Variants in PCDH19 observed in about 807,000 individuals in gnomAD.
The protein encoded by PCDH19 is protocadherin-19.
Under a neutral mutation model 46.2 loss-of-function variants are expected in PCDH19, and 6 were observed. That is an observed-to-expected ratio of 0.13 (90% CI 0.07 to 0.26). The LOEUF is 0.26. Among genes scored for constraint, PCDH19 ranks in the 10% least tolerant of loss-of-function variants. PCDH19 has a pLI of 1.00. For missense variants in PCDH19, 740 were observed against 972.3 expected, an observed-to-expected ratio of 0.76 and a Z score of 3.18; for synonymous variants, 481 against 415.7, an observed-to-expected ratio of 1.16 and a Z score of -1.91.
chrX:100,346,785 T>C (rs1014836525), intron 4 of PCDH19, among the ~76,000 whole-genome samples: 4 of 112,213 alleles, frequency 3.6e-5, no homozygotes, highest in Non-Finnish European at 7.5e-5. Flanking sequence ...GTTCATTTCC[T>C]ATTTCATTTT....
intron 3 of PCDH19, among the ~76,000 whole-genome samples, chrX:100,362,474 G>A (rs1459716780): frequency 1.8e-5 from 2 of 110,588 alleles, no homozygotes; most frequent in African/African-American, 6.6e-5. Flanking sequence ...GTTGGTTCCT[G>A]GTAGACCCAG....
At chrX:100,346,817 C>T (rs1926414894) in intron 4 of PCDH19, among the ~76,000 whole-genome samples, 1 of 110,471 alleles carries the variant, frequency 9.1e-6, no homozygotes, top group South Asian at 3.8e-4. Context: ...AGCCTTATGC[C>T]CTGCTTGATA....
At position 100,407,164 on chromosome X, in the gene PCDH19, G is replaced by A. The variant is rs137962077; in HGVS notation, c.1434C>T (p.Arg478=). The change falls in exon 1 of 6, where the codon CGC becomes CGT. Residue 478 remains arginine (R), a synonymous_variant. Coordinates refer to ENST00000373034, the MANE Select transcript of PCDH19 (RefSeq NM_001184880.2). The part of the protein sequence containing the change: ...PGAYLLSVSA[R]DPDLGLNGSV... ...TGCCGTTGAGACCCAGGTCGGGGTC[G>A]CGAGCAGACACAGAGAGCAGATAGG... The A allele has an allele frequency of 2.6e-5, 31 of 1,210,305 alleles. No homozygotes were observed. In the Middle Eastern group the frequency reaches 1.1e-3, roughly 45 times the overall value.
intron 5 of PCDH19, among the ~76,000 whole-genome samples, chrX:100,318,149 C>T (rs191190477): frequency 8.9e-6 from 1 of 111,922 alleles, no homozygotes; most frequent in East Asian, 2.8e-4. Flanking sequence ...GCAGCAGAGT[C>T]TAAGACTATG....
chrX:100,296,103 G>T lies in PCDH19; in HGVS notation c.*174C>A. The T allele has an allele frequency of 2.1e-6, 1 of 478,520 alleles. No individual in the cohort carries two copies. Among genetic ancestry groups the T allele is most frequent in the Non-Finnish European group, 3.6e-6 (1 of 274,223 alleles). 39.4% of individuals were successfully genotyped at this position (478,520 alleles called of 1,213,427 possible). On this transcript the variant is annotated 3_prime_UTR_variant, in exon 6 of 6. Transcript: ENST00000373034. Reference sequence around the variant, plus strand: ...TTTGCTCCAACTGAACACCCCTGCTGCCTGTTGAAACAAGGGACTGTCACA... The same window carrying T: ...TTTGCTCCAACTGAACACCCCTGCTTCCTGTTGAAACAAGGGACTGTCACA...
chrX:100,385,429 A>G (rs1259183494), intron 3 of PCDH19, among the ~76,000 whole-genome samples: 2 of 111,740 alleles, frequency 1.8e-5, no homozygotes, highest in Non-Finnish European at 1.9e-5. Context: ...AGAGATCACA[A>G]CAAAATTTAT....
intron 3 of PCDH19, among the ~76,000 whole-genome samples, chrX:100,362,926 T>A (rs187093407): frequency 5.4e-5 from 6 of 110,629 alleles, no homozygotes; most frequent in African/African-American, 1.6e-4. Context: ...GCCTTCAAGA[T>A]GAAAATAGAA....
chrX:100,353,972 C>T (rs1362977613), intron 3 of PCDH19, among the ~76,000 whole-genome samples: 1 of 111,737 alleles, frequency 8.9e-6, no homozygotes, highest in Admixed American at 9.5e-5. Context: ...CTTTGTAATC[C>T]GTCTCAGGTC....
intron 3 of PCDH19, among the ~76,000 whole-genome samples, chrX:100,397,806 A>G (rs961166669): frequency 2.7e-5 from 3 of 112,227 alleles, no homozygotes; most frequent in Non-Finnish European, 5.6e-5. Flanking sequence ...GCATCCAGAG[A>G]CACCAGTAGG....
At chrX:100,319,073 C>T (rs1217511358) in intron 5 of PCDH19, among the ~76,000 whole-genome samples, 1 of 111,000 alleles carries the variant, frequency 9.0e-6, no homozygotes, top group South Asian at 3.7e-4. Flanking sequence ...GCCTAATATG[C>T]TAAGTATATG....
At chrX:100,389,389 G>T (rs780453291) in intron 3 of PCDH19, among the ~76,000 whole-genome samples, 12 of 62,910 alleles carry the variant, frequency 1.9e-4, no homozygotes, top group Non-Finnish European at 3.2e-4. Flanking sequence ...CAGGGGTTGT[G>T]GGTGGGGGAA....
chrX:100,363,908 A>G (rs868319585), intron 3 of PCDH19, among the ~76,000 whole-genome samples: 4 of 100,312 alleles, frequency 4.0e-5, no homozygotes, highest in East Asian at 6.1e-4. Flanking sequence ...AGAGGGAGAG[A>G]GAAAGAGAGC....
intron 3 of PCDH19, among the ~76,000 whole-genome samples, chrX:100,375,923 G>A (rs1489949616): frequency 8.9e-6 from 1 of 111,920 alleles, no homozygotes; most frequent in African/African-American, 3.3e-5. Context: ...GTCTCTTTAT[G>A]CTACACAATT....
intron 5 of PCDH19, among the ~76,000 whole-genome samples, chrX:100,336,914 G>A: frequency 9.0e-6 from 1 of 111,513 alleles, no homozygotes; most frequent in East Asian, 2.8e-4. Flanking sequence ...TCTCATATCA[G>A]GATTACATAT....
At chrX:100,316,521 A>G (rs569523094) in intron 5 of PCDH19, among the ~76,000 whole-genome samples, 6 of 111,754 alleles carry the variant, frequency 5.4e-5, no homozygotes, top group African/African-American at 1.9e-4. Flanking sequence ...CAGAAATCCC[A>G]TCCTTTAGGG....
At chrX:100,395,048 C>T (rs1311886302) in intron 3 of PCDH19, among the ~76,000 whole-genome samples, 5 of 110,151 alleles carry the variant, frequency 4.5e-5, no homozygotes, top group South Asian at 3.9e-4. Context: ...CCACCACGCC[C>T]GGCTAATTTT....
chrX:100,401,728 G>C (rs1928187548), intron 3 of PCDH19, among the ~76,000 whole-genome samples: 2 of 87,181 alleles, frequency 2.3e-5, no homozygotes, highest in Admixed American at 2.8e-4. Flanking sequence ...CAAATGCATA[G>C]ATAATTCTTA....
At chrX:100,353,997 T>C (rs1349076256) in intron 3 of PCDH19, among the ~76,000 whole-genome samples, 1 of 111,942 alleles carries the variant, frequency 8.9e-6, no homozygotes, top group East Asian at 2.8e-4. Context: ...TGTGAGGCAG[T>C]TGGGTTACAG....
intron 3 of PCDH19, among the ~76,000 whole-genome samples, chrX:100,377,267 T>C (rs775612305): frequency 1.3e-4 from 15 of 111,649 alleles, no homozygotes; most frequent in Non-Finnish European, 1.9e-4. Context: ...TTTCACACAA[T>C]TGTGTTTTTA....
Sources: gnomAD v4.1 joint callset for allele counts (sites outside exome capture counted in the v4.1 genomes callset) on GRCh38, gnomAD v4.1.1 for gene constraint, MANE v1.5 for transcripts, NCBI Gene and HGNC (gene_info 2026-07-23, HGNC 2026-07-21) for gene names.